Variants in G6PD observed in about 807,000 individuals in gnomAD.
The protein encoded by G6PD is glucose-6-phosphate 1-dehydrogenase.
Under a neutral mutation model 38.2 loss-of-function variants are expected in G6PD, and 2 were observed. The ratio of observed to expected loss-of-function variants is 0.05; its 90% CI spans 0.02 to 0.16. G6PD has a LOEUF of 0.16. G6PD is among the 10% of genes least tolerant of loss of function. The pLI, the probability that G6PD is intolerant of heterozygous loss-of-function variation, is 1.00. For missense variants in G6PD, 310 were observed against 471.6 expected, an observed-to-expected ratio of 0.66 and a Z score of 3.17; for synonymous variants, 188 against 196.0, an observed-to-expected ratio of 0.96 and a Z score of 0.34.
intron 2 of G6PD, among the ~76,000 whole-genome samples, chrX:154,544,618 C>G (rs1557232760): frequency 1.8e-5 from 2 of 112,338 alleles, no homozygotes; most frequent in African/African-American, 6.5e-5. Context: ...CTGAGGGGAC[C>G]AGGCTGGGGC....
intron 2 of G6PD, 52 bp downstream of exon 2, chrX:154,545,984 C>T: frequency 8.3e-7 from 1 of 1,202,321 alleles, no homozygotes; most frequent in Non-Finnish European, 1.1e-6. Flanking sequence ...AAAGCTGAGG[C>T]ATGGAGCAGG....
chrX:154,542,448 G>A (rs782724801), intron 2 of G6PD: 1 of 1,178,543 alleles, frequency 8.5e-7, no homozygotes, highest in Admixed American at 2.5e-5. Context: ...TTCTGGAAGG[G>A]GGCAGTAAGT....
intron 2 of G6PD, among the ~76,000 whole-genome samples, chrX:154,537,551 G>T (rs1246291819): frequency 7.2e-5 from 8 of 111,739 alleles, no homozygotes; most frequent in African/African-American, 2.6e-4. Flanking sequence ...GGAGGCGGAG[G>T]TTGCAGTGAG....
intron 2 of G6PD, 70 bp from the exon 3 acceptor site, chrX:154,536,248 C>T: frequency 9.7e-7 from 1 of 1,029,911 alleles, no homozygotes; most frequent in Non-Finnish European, 1.4e-6. Context: ...CATCCTCCAC[C>T]CTTGGTGATC....
At chrX:154,545,669 T>C (rs1346921469) in intron 2 of G6PD, 3 of 220,929 alleles carry the variant, frequency 1.4e-5, no homozygotes, top group Non-Finnish European at 2.5e-5. Context: ...ACTCCGTCTC[T>C]ACTAACAATA....
At chrX:154,533,184 G>A in intron 8 of G6PD, 56 bp from the exon 9 acceptor site, 2 of 1,140,425 alleles carry the variant, frequency 1.8e-6, no homozygotes, top group Non-Finnish European at 2.4e-6. Context: ...TGGGGTGCAG[G>A]GATGACTGTG....
chrX:154,531,722 C>G lies in G6PD; in HGVS notation c.*278G>C. The G allele has an allele frequency of 2.4e-6, 1 of 420,923 alleles. No individual in the cohort carries two copies. Among genetic ancestry groups the G allele is most frequent in the Non-Finnish European group, 4.2e-6 (1 of 240,916 alleles). The allele number at this position is 420,923 out of a possible 1,213,427, so 34.7% of individuals were successfully genotyped here. A position where few individuals can be genotyped will look rare whatever the true frequency, so the allele number is the denominator to read the frequency against. Reference sequence around the variant, plus strand: ...GCTCTGGGACAGACGAATGGGCGCCCTCCTCCTTCCTTCTGTTGGGCTGGA... The same window carrying G: ...GCTCTGGGACAGACGAATGGGCGCCGTCCTCCTTCCTTCTGTTGGGCTGGA... On this transcript the variant is annotated 3_prime_UTR_variant, in exon 13 of 13. Coordinates refer to ENST00000393562, the MANE Select transcript of G6PD (RefSeq NM_001360016.2).
intron 2 of G6PD, 195 bp downstream of exon 2, chrX:154,545,836 CAAAAA>C (rs781893284): frequency 1.5e-3 from 409 of 281,525 alleles, no homozygotes; most frequent in East Asian, 2.0e-3. Context: ...ACTCCGTCTC[CAAAAA>C]AAAAAAAAAA....
chrX:154,535,856 G>C, intron 4 of G6PD, 81 bp downstream of exon 4: 1 of 803,883 alleles, frequency 1.2e-6, no homozygotes, highest in Non-Finnish European at 1.9e-6. Flanking sequence ...GATGGGATGG[G>C]GGGAGGTCCC....
chrX:154,532,102 C>G lies in G6PD; in HGVS notation c.1458-12G>C, dbSNP rs369024848. On this transcript the variant is annotated splice_polypyrimidine_tract_variant and intron_variant, in intron 12 of 12. Coordinates refer to ENST00000393562, the MANE Select transcript of G6PD (RefSeq NM_001360016.2). ...CCGTGGGGCCTCGGCTGGAGAGTGA[C>G]GGGTGGAGGAGAGGCATGAGGTAGC... 8.3e-7 allele frequency: 1 copy of G among 1,203,685 alleles called. No individual in the cohort carries two copies. Among genetic ancestry groups the G allele is most frequent in the Non-Finnish European group, 1.1e-6 (1 of 892,393 alleles).
At chrX:154,546,737 A>G in intron 1 of G6PD, 52 bp downstream of exon 1, 1 of 989,807 alleles carries the variant, frequency 1.0e-6, no homozygotes, top group Non-Finnish European at 1.4e-6. Flanking sequence ...CGCGCGGCGC[A>G]GCGCGGGACA....
chrX:154,539,696 C>T (rs1407711875), intron 2 of G6PD, among the ~76,000 whole-genome samples: 1 of 110,740 alleles, frequency 9.0e-6, no homozygotes, highest in Non-Finnish European at 1.9e-5. Flanking sequence ...CAAGCTAGAC[C>T]TGCACCATCT....
chrX:154,533,208 A>T, intron 8 of G6PD, 80 bp from the exon 9 acceptor site: 1 of 1,070,293 alleles, frequency 9.3e-7, no homozygotes, highest in Non-Finnish European at 1.3e-6. Context: ...ACAGATGTGC[A>T]GCCCTCAGGG....
At chrX:154,536,088 A>T in intron 3 of G6PD, 43 bp from the exon 4 acceptor site, 1 of 1,202,676 alleles carries the variant, frequency 8.3e-7, no homozygotes, top group Non-Finnish European at 1.1e-6. Flanking sequence ...GCAGGGCAGG[A>T]CCAGGCCTGT....
chrX:154,532,152 G>T, intron 12 of G6PD, 36 bp downstream of exon 12: 1 of 1,058,689 alleles, frequency 9.4e-7, no homozygotes, highest in Non-Finnish European at 1.3e-6. Flanking sequence ...GCCCCTGCCC[G>T]CTGGGCTCTG....
intron 5 of G6PD, 114 bp from the exon 6 acceptor site, chrX:154,534,610 C>A: frequency 1.1e-6 from 1 of 930,758 alleles, no homozygotes; most frequent in East Asian, 3.3e-5. Context: ...ACCTCCTCGC[C>A]CCCGTGGCCA....
chrX:154,544,328 A>AT (rs1355167356), intron 2 of G6PD, among the ~76,000 whole-genome samples: 13 of 108,343 alleles, frequency 1.2e-4, no homozygotes, highest in African/African-American at 3.4e-4. Flanking sequence ...CGCCCAGCTA[A>AT]TTTTTGTATT....
chrX:154,535,056 C>G (rs782410880), intron 5 of G6PD, 112 bp downstream of exon 5: 1 of 773,105 alleles, frequency 1.3e-6, no homozygotes, highest in Non-Finnish European at 2.0e-6. Context: ...GGGATGGCCC[C>G]GGCACCATGG....
At chrX:154,541,961 G>A (rs2070520011) in intron 2 of G6PD, among the ~76,000 whole-genome samples, 2 of 112,283 alleles carry the variant, frequency 1.8e-5, no homozygotes. Context: ...AGACTCCCTG[G>A]GTGGAGCCCT....
Sources: allele counts gnomAD v4.1 joint callset (sites outside exome capture counted in the v4.1 genomes callset), GRCh38; gene constraint gnomAD v4.1.1; transcripts MANE v1.5; gene names NCBI Gene and HGNC (gene_info 2026-07-23, HGNC 2026-07-21).